GPR180: variants seen among roughly 807,000 people sequenced by gnomAD.
GPR180 encodes the protein G protein-coupled receptor 180.
A neutral mutation model predicts 52.6 loss-of-function variants in GPR180; 53 were observed. That is an observed-to-expected ratio of 1.01 (90% CI 0.81 to 1.27). The LOEUF is 1.27. Ranked by LOEUF, GPR180 falls within the 50% of genes most tolerant of loss-of-function variation. GPR180 has a pLI of 0.00. For missense variants in GPR180, 533 were observed against 527.0 expected (o/e 1.01, Z -0.11); for synonymous variants, 200 against 193.1 (o/e 1.04, Z -0.30).
chr13:94,608,302 C>T (rs1270645957), intron 2 of GPR180, among the ~76,000 whole-genome samples: 5 of 152,164 alleles, frequency 3.3e-5, no homozygotes, highest in African/African-American at 9.7e-5. Context: ...CTGCCATTCT[C>T]GTTATAACTC....
chr13:94,627,241 T>C lies in GPR180; in HGVS notation c.*70T>C. 7.6e-7 allele frequency: 1 copy of C among 1,318,232 alleles called. No individual in the cohort carries two copies. Among genetic ancestry groups the C allele is most frequent in the Non-Finnish European group, 1.1e-6 (1 of 943,208 alleles). 81.7% of individuals were successfully genotyped at this position (1,318,232 alleles called of 1,614,324 possible). On this transcript the variant is annotated 3_prime_UTR_variant, in exon 9 of 9. Coordinates refer to ENST00000376958, the MANE Select transcript of GPR180 (RefSeq NM_180989.6). ...GCAATAAGGATCCAAATACAGTGAC[T>C]TTTTTTTCATACATTTAGTATGAAA...
At chr13:94,607,830 A>G (rs1334525790) in intron 2 of GPR180, among the ~76,000 whole-genome samples, 2 of 152,320 alleles carry the variant, frequency 1.3e-5, no homozygotes, top group East Asian at 3.9e-4. Context: ...ATATGGCACT[A>G]TGAGAATGAG....
At chr13:94,625,861 T>C in intron 7 of GPR180, 105 bp from the exon 8 acceptor site, 1 of 656,812 alleles carries the variant, frequency 1.5e-6, no homozygotes, top group South Asian at 2.2e-5. Flanking sequence ...TAAAGGCCTG[T>C]TGAGGTTAAT....
Position 94,630,080 on chromosome 13 carries a change from A to AT in GPR180, c.*2910dup, listed in dbSNP as rs1172030059. The AT allele has an allele frequency of 1.4e-4, 22 of 152,260 alleles. No homozygotes were observed. The highest frequency in any genetic ancestry group is 5.3e-4 in the African/African-American group (22 of 41,468). The allele number at this position is 152,260 out of a possible 1,614,324, so 9.4% of individuals were successfully genotyped here. A position where few individuals can be genotyped will look rare whatever the true frequency, so the allele number is the denominator to read the frequency against. ...TGATATGATTGTTAGAAGTAGCCAG[A>AT]TACGAAGAGGTAATACTGTTTTTTA... On this transcript the variant is annotated 3_prime_UTR_variant, in exon 9 of 9. Transcript: ENST00000376958.
rs74104285 is a variant in GPR180, at chr13:94,629,501, G to C, written c.*2330G>C. On this transcript the variant is annotated 3_prime_UTR_variant, in exon 9 of 9. Coordinates refer to ENST00000376958, the MANE Select transcript of GPR180 (RefSeq NM_180989.6). ...TTACTCATCTCTATTGTGATAACCA[G>C]GCTCCCATTTAACTGAGTATAAGAG... The C allele has an allele frequency of 1.3e-3, 193 of 152,204 alleles. 2 individuals are homozygous for C. The highest frequency in any genetic ancestry group is 4.6e-3 in the African/African-American group (190 of 41,532). 9.4% of individuals were successfully genotyped at this position (152,204 alleles called of 1,614,324 possible).
intron 6 of GPR180, 44 bp from the exon 7 acceptor site, chr13:94,623,065 G>T: frequency 7.3e-7 from 1 of 1,378,912 alleles, no homozygotes; most frequent in Non-Finnish European, 1.0e-6. Context: ...TTGTAATGAG[G>T]TATATTTTTT....
intron 7 of GPR180, among the ~76,000 whole-genome samples, chr13:94,624,560 T>C (rs1037506658): frequency 6.6e-6 from 1 of 152,244 alleles, no homozygotes; most frequent in Non-Finnish European, 1.5e-5. Context: ...ATTTTGCTTT[T>C]TTCGTTGTTG....
At chr13:94,613,289 T>G (rs1019630038) in intron 3 of GPR180, among the ~76,000 whole-genome samples, 1 of 152,192 alleles carries the variant, frequency 6.6e-6, no homozygotes, top group Non-Finnish European at 1.5e-5. Context: ...CCACATTAGC[T>G]TAAACTGATT....
chr13:94,619,467 G>T lies in GPR180; in HGVS notation c.687-1G>T. ...TACACTACTCTTCTTCAATTCCTCA[G>T]TTACTCCAAAGATGGAATAGGGGTA... On this transcript the variant is annotated splice_acceptor_variant, in intron 4 of 8. Coordinates refer to ENST00000376958, the MANE Select transcript of GPR180 (RefSeq NM_180989.6). LOFTEE classifies it high-confidence loss of function. 6.2e-7 allele frequency: 1 copy of T among 1,612,302 alleles called. No homozygotes were observed. The highest frequency in any genetic ancestry group is 8.5e-7 in the Non-Finnish European group (1 of 1,178,970).
At chr13:94,623,001 A>G (rs1889871245) in intron 6 of GPR180, 108 bp from the exon 7 acceptor site, 1 of 739,674 alleles carries the variant, frequency 1.4e-6, no homozygotes, top group Non-Finnish European at 2.2e-6. Context: ...ATGGTCTGAT[A>G]GGAATGTTTA....
Position 94,621,207 on chromosome 13 carries a change from G to A in GPR180, c.866G>A (p.Gly289Asp), listed in dbSNP as rs1221402785. ...LQWDSTPAST[G>D]IAVFIVMTQS... ...TGGGATTCTACGCCTGCATCCACTG[G>A]CATTGCAGTATTCATTGTCATGACA... is the stretch of plus-strand genomic sequence containing the variant. Residue 289 changes from glycine to aspartate, a missense_variant, in exon 6 of 9, where the codon GGC becomes GAC. Physicochemically the swap from Gly to Asp is moderately conservative, Grantham distance 94. Coordinates refer to ENST00000376958, the MANE Select transcript of GPR180 (RefSeq NM_180989.6). 2.5e-6 allele frequency: 4 copies of A among 1,605,384 alleles called. No homozygotes were observed. Among genetic ancestry groups the A allele is most frequent in the Non-Finnish European group, 3.4e-6 (4 of 1,178,258 alleles).
At chr13:94,623,422 A>C in intron 7 of GPR180, 122 bp downstream of exon 7, 1 of 721,532 alleles carries the variant, frequency 1.4e-6, no homozygotes, top group East Asian at 2.7e-5. Flanking sequence ...ACAGTGGCTC[A>C]CTCCTATAAT....
intron 3 of GPR180, among the ~76,000 whole-genome samples, chr13:94,618,420 A>ATTTTTGTTTTTTTTTTTTTTTTTTTTT (rs1889806137): frequency 1.1e-5 from 1 of 87,156 alleles, no homozygotes; most frequent in African/African-American, 6.3e-5. Context: ...TCAGCACAGG[A>ATTTTTGTTTTTTTTTTTTTTTTTTTTT]TTTTTTTTTT....
rs890532261 is a variant in GPR180, at chr13:94,631,814, T to C, written c.*4643T>C. 6.6e-6 allele frequency: 1 copy of C among 152,034 alleles called. No individual in the cohort carries two copies. The highest frequency in any genetic ancestry group is 6.6e-5 in the Admixed American group (1 of 15,240). 9.4% of individuals were successfully genotyped at this position (152,034 alleles called of 1,614,324 possible). ...ATCTTGACTAGTCAAGTAGTTGTCA[T>C]AAAACATCAGTTACGAGAGGATTTC... On this transcript the variant is annotated 3_prime_UTR_variant, in exon 9 of 9. Coordinates refer to ENST00000376958, the MANE Select transcript of GPR180 (RefSeq NM_180989.6).
intron 3 of GPR180, among the ~76,000 whole-genome samples, chr13:94,613,288 C>T (rs751566388): frequency 6.6e-6 from 1 of 152,090 alleles, no homozygotes; most frequent in Non-Finnish European, 1.5e-5. Context: ...GCCACATTAG[C>T]TTAAACTGAT....
Position 94,629,697 on chromosome 13 carries a change from C to A in GPR180, c.*2526C>A, listed in dbSNP as rs566648766. 1.6e-4 allele frequency: 25 copies of A among 152,272 alleles called. No individual in the cohort carries two copies. Among genetic ancestry groups the A allele is most frequent in the African/African-American group, 6.0e-4 (25 of 41,550 alleles). The allele number at this position is 152,272 out of a possible 1,614,324, so 9.4% of individuals were successfully genotyped here. A position where few individuals can be genotyped will look rare whatever the true frequency, so the allele number is the denominator to read the frequency against. The stretch of plus-strand genomic sequence containing the variant: ...GGAATTGTGCTAAAATCAGAACATG[C>A]GCTTGAATATCTGTAAGACCTCAGC... On this transcript the variant is annotated 3_prime_UTR_variant, in exon 9 of 9. Coordinates refer to ENST00000376958, the MANE Select transcript of GPR180 (RefSeq NM_180989.6).
intron 1 of GPR180, among the ~76,000 whole-genome samples, chr13:94,604,288 C>T (rs905867568): frequency 2.7e-5 from 4 of 150,880 alleles, no homozygotes; most frequent in African/African-American, 7.3e-5. Context: ...TAGCTGAGAT[C>T]GTGCCATTGC....
chr13:94,603,047 T>G (rs1241340236), intron 1 of GPR180, among the ~76,000 whole-genome samples: 2 of 150,426 alleles, frequency 1.3e-5, no homozygotes, highest in African/African-American at 4.9e-5. Flanking sequence ...TATTGGGAAA[T>G]TACAGAATTG....
At chr13:94,604,666 C>G (rs1007210762) in intron 1 of GPR180, among the ~76,000 whole-genome samples, 1 of 152,088 alleles carries the variant, frequency 6.6e-6, no homozygotes, top group African/African-American at 2.4e-5. Flanking sequence ...GCCTCAGACT[C>G]CTAGGCTAAA....
Sources: allele counts gnomAD v4.1 joint callset (sites outside exome capture counted in the v4.1 genomes callset), GRCh38; gene constraint gnomAD v4.1.1; transcripts MANE v1.5; gene names NCBI Gene and HGNC (gene_info 2026-07-23, HGNC 2026-07-21).